The following TMPRSS15 variants were observed in gnomAD, a reference collection of about 807,000 sequenced individuals.
TMPRSS15 encodes the protein enteropeptidase.
Under a neutral mutation model 125.3 loss-of-function variants are expected in TMPRSS15, and 128 were observed. The ratio of observed to expected loss-of-function variants is 1.02; its 90% CI spans 0.89 to 1.18. The LOEUF is 1.18. Ranked by LOEUF, TMPRSS15 falls within the 50% of genes most tolerant of loss-of-function variation. TMPRSS15 has a pLI of 0.00. For missense variants in TMPRSS15, 1,283 were observed against 1,212.7 expected (o/e 1.06, Z -0.86); for synonymous variants, 446 against 423.2 (o/e 1.05, Z -0.66).
At chr21:18,481,069 G>A (rs1364932046) in intron 1 of TMPRSS15, among the ~76,000 whole-genome samples, 1 of 151,772 alleles carries the variant, frequency 6.6e-6, no homozygotes, top group Non-Finnish European at 1.5e-5. Flanking sequence ...CTGATACAAT[G>A]AAATCCAAGC....
chr21:18,385,423 T>C (rs1006274204), intron 3 of TMPRSS15, among the ~76,000 whole-genome samples: 2 of 152,124 alleles, frequency 1.3e-5, no homozygotes, highest in African/African-American at 4.8e-5. Flanking sequence ...CCAAACATGG[T>C]TTTATTCGTG....
At chr21:18,444,055 G>A (rs924293760) in intron 1 of TMPRSS15, among the ~76,000 whole-genome samples, 5 of 152,068 alleles carry the variant, frequency 3.3e-5, no homozygotes, top group Non-Finnish European at 7.3e-5. Flanking sequence ...CGGATGGCAG[G>A]GTGGGTGAAT....
intron 1 of TMPRSS15, among the ~76,000 whole-genome samples, chr21:18,454,001 A>T (rs1438446697): frequency 6.6e-6 from 1 of 152,210 alleles, no homozygotes; most frequent in East Asian, 1.9e-4. Flanking sequence ...GGTAACAAGC[A>T]AATTCATAGT....
chr21:18,363,714 A>ATG (rs761592416), intron 7 of TMPRSS15, among the ~76,000 whole-genome samples: 8 of 151,568 alleles, frequency 5.3e-5, no homozygotes, highest in East Asian at 3.9e-4. Flanking sequence ...TGAAGTGATT[A>ATG]TGTGTGTGTG....
At chr21:18,305,491 T>C (rs1379079915) in intron 18 of TMPRSS15, among the ~76,000 whole-genome samples, 5 of 152,134 alleles carry the variant, frequency 3.3e-5, no homozygotes, top group African/African-American at 7.2e-5. Context: ...CCCGGCCCCT[T>C]GAATTTCTAT....
intron 1 of TMPRSS15, among the ~76,000 whole-genome samples, chr21:18,442,434 A>T (rs1398660413): frequency 6.6e-6 from 1 of 152,028 alleles, no homozygotes; most frequent in Non-Finnish European, 1.5e-5. Context: ...TTTTTCATTC[A>T]CTCTTGCAAA....
chr21:18,458,556 A>T (rs1027901415), intron 1 of TMPRSS15, among the ~76,000 whole-genome samples: 2 of 152,212 alleles, frequency 1.3e-5, no homozygotes, highest in Non-Finnish European at 2.9e-5. Context: ...TGGTCGGACA[A>T]AGTGTTTCCA....
At chr21:18,457,678 G>A (rs942844600) in intron 1 of TMPRSS15, among the ~76,000 whole-genome samples, 1 of 152,016 alleles carries the variant, frequency 6.6e-6, no homozygotes, top group African/African-American at 2.4e-5. Flanking sequence ...AATAAGAAAT[G>A]GGCTCCCACT....
intron 1 of TMPRSS15, among the ~76,000 whole-genome samples, chr21:18,417,864 C>A (rs1270133075): frequency 6.6e-6 from 1 of 152,154 alleles, no homozygotes; most frequent in South Asian, 2.1e-4. Context: ...CAATCACACA[C>A]ATACACACAT....
At chr21:18,345,685 G>A (rs2146993383) in intron 10 of TMPRSS15, among the ~76,000 whole-genome samples, 1 of 127,664 alleles carries the variant, frequency 7.8e-6, no homozygotes, top group South Asian at 2.8e-4. Context: ...AGCTTGCAGT[G>A]AGCCGAGGTC....
intron 6 of TMPRSS15, among the ~76,000 whole-genome samples, chr21:18,368,330 CT>C (rs2147039253): frequency 6.6e-6 from 1 of 152,326 alleles, no homozygotes; most frequent in South Asian, 2.1e-4. Flanking sequence ...TCTTTCAGTT[CT>C]TTCCTGAGCA....
rs148707123 is a variant in TMPRSS15, at chr21:18,385,630, C to T, written c.345-1852G>A. 3.3e-3 allele frequency among the ~76,000 whole-genome samples: 500 copies of T among 152,236 alleles called. 6 individuals are homozygous for T. Among genetic ancestry groups the T allele is most frequent in the African/African-American group, 0.011 (458 of 41,538 alleles). On this transcript the variant is annotated intron_variant, in intron 3 of 24. Coordinates refer to ENST00000284885, the MANE Select transcript of TMPRSS15 (RefSeq NM_002772.3). ...CATGAGTGAGGCCATGGTTGATAAGCCAAAGATAGCGTAGCAGAAGAAGGA... is the reference window on the plus strand; with the variant it reads ...CATGAGTGAGGCCATGGTTGATAAGTCAAAGATAGCGTAGCAGAAGAAGGA...
chr21:18,365,649 C>CCCTTCCTTCCCTCCTTCCTTCCTTCCTT (rs2075725696), intron 6 of TMPRSS15, among the ~76,000 whole-genome samples: 1 of 65,812 alleles, frequency 1.5e-5, no homozygotes, highest in African/African-American at 6.9e-5. Flanking sequence ...TCTTTTTCCT[C>CCCTTCCTTCCCTCCTTCCTTCCTTCCTT]CCTTCCTTCC....
chr21:18,271,826 G>GTGT (rs2074560530), intron 24 of TMPRSS15, among the ~76,000 whole-genome samples: 1 of 152,028 alleles, frequency 6.6e-6, no homozygotes, highest in Non-Finnish European at 1.5e-5. Context: ...AGAACATGCA[G>GTGT]TGTTTGGTTT....
intron 18 of TMPRSS15, among the ~76,000 whole-genome samples, chr21:18,307,072 A>T (rs2075046364): frequency 6.6e-6 from 1 of 152,214 alleles, no homozygotes; most frequent in Non-Finnish European, 1.5e-5. Flanking sequence ...TGCAGCAAAC[A>T]CACATCATTT....
upstream of TMPRSS15, among the ~76,000 whole-genome samples, chr21:18,405,644 A>C (rs553294551): frequency 6.6e-6 from 1 of 152,344 alleles, no homozygotes; most frequent in Non-Finnish European, 1.5e-5. Context: ...ATAATAGGTT[A>C]GAAAAGAGTG....
intron 13 of TMPRSS15, among the ~76,000 whole-genome samples, chr21:18,339,075 C>T (rs2210226): frequency 0.011 from 1,742 of 152,094 alleles, 26 homozygotes; most frequent in African/African-American, 0.038. Flanking sequence ...TTATACATTG[C>T]TTCAAATATT....
At position 18,341,508 on chromosome 21, in the gene TMPRSS15, A is replaced by G. The variant is rs1346859197; in HGVS notation, c.1469T>C (p.Ile490Thr). The G allele has an allele frequency of 5.0e-6, 8 of 1,614,056 alleles. No homozygotes were observed. Among genetic ancestry groups the G allele is most frequent in the South Asian group, 1.1e-5 (1 of 91,084 alleles). The change falls in exon 13 of 25, where the codon ATT becomes ACT. Residue 490 changes from isoleucine to threonine, a missense_variant. Ile to Thr is a moderately conservative substitution (Grantham distance 89). Coordinates refer to ENST00000284885, the MANE Select transcript of TMPRSS15 (RefSeq NM_002772.3). ...TGTTAGGCTAATGTCATCCAACGCA[A>G]TATCACTCAGGATCTTGTTTTTAAA... ...NAFKNKILSD[I>T]ALDDISLTYG...
chr21:18,365,303 G>T, intron 6 of TMPRSS15, 55 bp from the exon 7 acceptor site: 1 of 1,366,512 alleles, frequency 7.3e-7, no homozygotes, highest in Non-Finnish European at 1.0e-6. Context: ...ATTCAAATTG[G>T]CTGCAAAACA....
Sources: gnomAD v4.1 joint callset for allele counts (sites outside exome capture counted in the v4.1 genomes callset) on GRCh38, gnomAD v4.1.1 for gene constraint, MANE v1.5 for transcripts, NCBI Gene and HGNC (gene_info 2026-07-23, HGNC 2026-07-21) for gene names.